The following PSMD11 variants were observed in gnomAD, a reference collection of about 807,000 sequenced individuals.
PSMD11 encodes the protein 26S proteasome non-ATPase regulatory subunit 11.
In PSMD11, 5 loss-of-function variants were observed where a neutral mutation model predicts 62.3. The ratio of observed to expected loss-of-function variants is 0.08; its 90% CI spans 0.04 to 0.17. The LOEUF (loss-of-function observed/expected upper bound fraction) is 0.17. PSMD11 is among the 10% of genes least tolerant of loss of function. The pLI, the probability that PSMD11 is intolerant of heterozygous loss-of-function variation, is 1.00. For synonymous variants in PSMD11, 191 were observed against 191.8 expected, an observed-to-expected ratio of 1.00 and a Z score of 0.03; for missense variants, 310 against 512.9, an observed-to-expected ratio of 0.60 and a Z score of 3.82.
intron 2 of PSMD11, among the ~76,000 whole-genome samples, chr17:32,450,400 C>T (rs751576285): frequency 7.5e-4 from 113 of 149,700 alleles, no homozygotes; most frequent in South Asian, 1.1e-3. Context: ...GGACTACAGG[C>T]GTGAGCCACC....
At chr17:32,458,801 A>T (rs570784687) in intron 3 of PSMD11, among the ~76,000 whole-genome samples, 1 of 152,172 alleles carries the variant, frequency 6.6e-6, no homozygotes, top group Non-Finnish European at 1.5e-5. Flanking sequence ...ATTCATATAC[A>T]TATGGATTGC....
chr17:32,445,672 G>T (rs1026628707), intron 1 of PSMD11: 3 of 152,218 alleles, frequency 2.0e-5, no homozygotes, highest in African/African-American at 7.2e-5. Flanking sequence ...GATCTGAATT[G>T]GCTCAACAAG....
intron 2 of PSMD11, among the ~76,000 whole-genome samples, chr17:32,453,154 C>T (rs1471815873): frequency 6.6e-6 from 1 of 152,106 alleles, no homozygotes; most frequent in Non-Finnish European, 1.5e-5. Flanking sequence ...GGAGAAGGGA[C>T]ATTGCTTCAG....
At chr17:32,464,234 C>A (rs1907925876) in intron 4 of PSMD11, 114 bp downstream of exon 4, 1 of 1,013,042 alleles carries the variant, frequency 9.9e-7, no homozygotes, top group Non-Finnish European at 1.5e-6. Context: ...TACCTAGATA[C>A]CGAAAGATTA....
At chr17:32,450,906 A>AT (rs1287313184) in intron 2 of PSMD11, among the ~76,000 whole-genome samples, 27 of 149,610 alleles carry the variant, frequency 1.8e-4, no homozygotes, top group East Asian at 3.9e-4. Context: ...GTTAAAAAAA[A>AT]TTTTTTTTTT....
intron 6 of PSMD11, among the ~76,000 whole-genome samples, chr17:32,471,562 T>G (rs1908162323): frequency 6.6e-6 from 1 of 152,194 alleles, no homozygotes. Context: ...CTTAAAGTAG[T>G]TAATATTATT....
At chr17:32,444,962 C>T in intron 1 of PSMD11, 1 of 379,946 alleles carries the variant, frequency 2.6e-6, no homozygotes, top group South Asian at 3.0e-5. Flanking sequence ...CAGTGCCGGC[C>T]GGCGTGCTTG....
chr17:32,468,170 A>T (rs139761581), intron 5 of PSMD11, among the ~76,000 whole-genome samples: 1 of 152,004 alleles, frequency 6.6e-6, no homozygotes, highest in Non-Finnish European at 1.5e-5. Context: ...TGTGGTGTAT[A>T]TGTACATTTT....
chr17:32,476,245 C>T (rs1004841962), intron 8 of PSMD11, among the ~76,000 whole-genome samples: 2 of 151,914 alleles, frequency 1.3e-5, no homozygotes, highest in African/African-American at 2.4e-5. Flanking sequence ...CTAACCTGGG[C>T]GACAGAGTGA....
rs1908243702 is a variant in PSMD11 at position 32,473,838 on chromosome 17, T to C, written c.681T>C (p.Thr227=). The C allele has an allele frequency of 6.2e-7, 1 of 1,613,856 alleles. No homozygotes were observed. The highest frequency in any genetic ancestry group is 8.5e-7 in the Non-Finnish European group (1 of 1,179,820). ...IHAAEEKDWK[T]AYSYFYEAFE... is the part of the protein sequence containing the mutation. ...CAGCAGAAGAGAAGGACTGGAAAAC[T>C]GCGTACTCATACTTCTATGAGGCAT... Residue 227 remains threonine (T), a synonymous_variant, in exon 7 of 14, where the codon ACT becomes ACC. Coordinates refer to ENST00000261712, the MANE Select transcript of PSMD11 (RefSeq NM_002815.4).
At chr17:32,459,867 TC>T (rs1907771488) in intron 3 of PSMD11, among the ~76,000 whole-genome samples, 2 of 152,140 alleles carry the variant, frequency 1.3e-5, no homozygotes, top group Non-Finnish European at 2.9e-5. Context: ...CCTCAGGTGA[TC>T]CGCCTGTCTT....
intron 3 of PSMD11, 140 bp from the exon 4 acceptor site, chr17:32,463,909 A>G (rs1251021946): frequency 4.1e-5 from 31 of 755,110 alleles, no homozygotes; most frequent in Admixed American, 6.4e-5. Flanking sequence ...ACTATTACAC[A>G]TTGAGATACT....
At chr17:32,474,884 C>A in intron 8 of PSMD11, 60 bp downstream of exon 8, 1 of 1,476,182 alleles carries the variant, frequency 6.8e-7, no homozygotes, top group Non-Finnish European at 9.5e-7. Flanking sequence ...TTCAGAGTCA[C>A]AACGTTTGAT....
chr17:32,474,803 A>G lies in PSMD11; in HGVS notation c.828A>G (p.Ala276=). 1.9e-6 allele frequency: 3 copies of G among 1,614,062 alleles called. No individual in the cohort carries two copies. Among genetic ancestry groups the G allele is most frequent in the Non-Finnish European group, 1.7e-6 (2 of 1,179,998 alleles). Reference sequence around the variant, plus strand: ...AGGCTTTGGTGAGCGGGAAGCTTGCACTTCGGTATGCAGGGAGGCAGGTAG... The same window carrying G: ...AGGCTTTGGTGAGCGGGAAGCTTGCGCTTCGGTATGCAGGGAGGCAGGTAG... ...DVQALVSGKL[A]LRYAGRQTEA... Residue 276 remains alanine (A), a synonymous_variant, in exon 8 of 14, where the codon GCA becomes GCG. Coordinates refer to ENST00000261712, the MANE Select transcript of PSMD11 (RefSeq NM_002815.4).
chr17:32,460,937 G>A (rs936604477), intron 3 of PSMD11, among the ~76,000 whole-genome samples: 4 of 151,948 alleles, frequency 2.6e-5, no homozygotes, highest in African/African-American at 9.7e-5. Flanking sequence ...GCTGGGGAGT[G>A]GAAAAGTAAG....
chr17:32,459,611 C>T (rs1370862838), intron 3 of PSMD11, among the ~76,000 whole-genome samples: 1 of 151,998 alleles, frequency 6.6e-6, no homozygotes, highest in Non-Finnish European at 1.5e-5. Context: ...TTACTACATT[C>T]GTTTAGGTAA....
At chr17:32,475,915 A>G (rs1035313870) in intron 8 of PSMD11, among the ~76,000 whole-genome samples, 1 of 151,954 alleles carries the variant, frequency 6.6e-6, no homozygotes, top group Non-Finnish European at 1.5e-5. Flanking sequence ...GTATAGTAAT[A>G]ACCGGTACTC....
chr17:32,471,335 C>G (rs1026274537), intron 6 of PSMD11, among the ~76,000 whole-genome samples: 3 of 152,136 alleles, frequency 2.0e-5, no homozygotes. Context: ...TTGGTTAGGT[C>G]AACTATGGTA....
intron 3 of PSMD11, among the ~76,000 whole-genome samples, chr17:32,456,267 T>G (rs921120822): frequency 4.6e-5 from 7 of 152,204 alleles, no homozygotes; most frequent in Non-Finnish European, 7.3e-5. Context: ...ACTTGGAAGT[T>G]TTTGGGCAGA....
Sources: gnomAD v4.1 joint callset for allele counts (sites outside exome capture counted in the v4.1 genomes callset) on GRCh38, gnomAD v4.1.1 for gene constraint, MANE v1.5 for transcripts, NCBI Gene and HGNC (gene_info 2026-07-23, HGNC 2026-07-21) for gene names.